Variants in FAR1 observed in about 807,000 individuals in gnomAD.
FAR1 encodes the protein male sterility domain-containing protein 2.
In FAR1, 22 loss-of-function variants were observed where a neutral mutation model predicts 61.1. The observed-to-expected ratio is 0.36, with a 90% CI of 0.26 to 0.51. The LOEUF is 0.51. Among genes scored for constraint, FAR1 ranks in the 20% least tolerant of loss-of-function variants. The pLI is 0.95. For missense variants in FAR1, 359 were observed against 626.9 expected (o/e 0.57, Z 4.56); for synonymous variants, 206 against 209.7 (o/e 0.98, Z 0.15).
intron 10 of FAR1, among the ~76,000 whole-genome samples, chr11:13,725,944 G>T (rs1419678777): frequency 6.6e-6 from 1 of 151,324 alleles, no homozygotes; most frequent in Non-Finnish European, 1.5e-5. Context: ...CCGCCCTTTA[G>T]ATTATGTTTT....
chr11:13,676,178 CTTA>C (rs1455567968), intron 1 of FAR1, among the ~76,000 whole-genome samples: 1 of 151,976 alleles, frequency 6.6e-6, no homozygotes, highest in Non-Finnish European at 1.5e-5. Context: ...AATGATAAAG[CTTA>C]TTATTGCAAA....
rs754790342 is a variant in FAR1, at chr11:13,728,821, A to G, written c.*47A>G. On this transcript the variant is annotated 3_prime_UTR_variant, in exon 12 of 12. Transcript: ENST00000354817. ...AACATCTATACATATGGTGATCTAAATGTACAAAATGTAAAATGTATAAGT... is the reference window on the plus strand; with the variant it reads ...AACATCTATACATATGGTGATCTAAGTGTACAAAATGTAAAATGTATAAGT... The G allele has an allele frequency of 6.6e-7, 1 of 1,515,836 alleles. No individual in the cohort carries two copies. The highest frequency in any genetic ancestry group is 9.0e-7 in the Non-Finnish European group (1 of 1,109,096). The allele number at this position is 1,515,836 out of a possible 1,614,324, so 93.9% of individuals were successfully genotyped here. A position where few individuals can be genotyped will look rare whatever the true frequency, so the allele number is the denominator to read the frequency against.
chr11:13,718,007 G>A (rs1848573278), intron 9 of FAR1, among the ~76,000 whole-genome samples: 1 of 152,156 alleles, frequency 6.6e-6, no homozygotes, highest in African/African-American at 2.4e-5. Context: ...ATACCCATAA[G>A]TTTCTTTGAC....
chr11:13,679,673 T>C (rs1040293080), intron 1 of FAR1, among the ~76,000 whole-genome samples: 1 of 152,222 alleles, frequency 6.6e-6, no homozygotes, highest in Non-Finnish European at 1.5e-5. Flanking sequence ...ATAATTTTAG[T>C]GCTACAAAAC....
intron 1 of FAR1, among the ~76,000 whole-genome samples, chr11:13,693,935 C>G (rs1286559119): frequency 2.0e-5 from 3 of 152,122 alleles, no homozygotes; most frequent in African/African-American, 7.2e-5. Context: ...AAATACAATT[C>G]AAGCTCCTTA....
chr11:13,700,811 C>A (rs1848362568), intron 3 of FAR1, among the ~76,000 whole-genome samples: 1 of 152,024 alleles, frequency 6.6e-6, no homozygotes, highest in Non-Finnish European at 1.5e-5. Flanking sequence ...TCTTCAGAAG[C>A]CTATACCCCA....
intron 3 of FAR1, among the ~76,000 whole-genome samples, chr11:13,704,304 C>T (rs2134186860): frequency 6.6e-6 from 1 of 151,770 alleles, no homozygotes; most frequent in South Asian, 2.1e-4. Context: ...ATTCATAGTA[C>T]AAAATTTTAG....
chr11:13,670,111 G>T (rs1847980493), intron 1 of FAR1: 1 of 152,234 alleles, frequency 6.6e-6, no homozygotes, highest in East Asian at 1.9e-4. Flanking sequence ...CTGTCGCCCA[G>T]GCTGGAGTGC....
intron 1 of FAR1, chr11:13,669,250 C>T (rs35079106): frequency 0.011 from 1,623 of 152,976 alleles, 14 homozygotes; most frequent in Non-Finnish European, 0.016. Context: ...AGGTGATGCT[C>T]AGAAAAGGGT....
At chr11:13,703,423 A>G (rs1052839516) in intron 3 of FAR1, among the ~76,000 whole-genome samples, 4 of 152,204 alleles carry the variant, frequency 2.6e-5, no homozygotes, top group African/African-American at 9.6e-5. Flanking sequence ...GTTAACCTAC[A>G]AATAAAAAAT....
intron 2 of FAR1, among the ~76,000 whole-genome samples, chr11:13,697,419 G>A (rs950842545): frequency 5.9e-5 from 9 of 151,894 alleles, no homozygotes; most frequent in Admixed American, 2.6e-4. Context: ...TTGAGATTGC[G>A]CCACTGCACT....
rs564725710 is a variant in FAR1, at chr11:13,704,031, C to T, written c.365+3539C>T. On this transcript the variant is annotated intron_variant, in intron 3 of 11. Coordinates refer to ENST00000354817, the MANE Select transcript of FAR1 (RefSeq NM_032228.6). Reference sequence around the variant, plus strand: ...TGCACTCCAGCCTGGGCGACAAGAGCGAAACTCCGTCTCAAAAAAAAAAAA... The same window carrying T: ...TGCACTCCAGCCTGGGCGACAAGAGTGAAACTCCGTCTCAAAAAAAAAAAA... 4.8e-5 allele frequency among the ~76,000 whole-genome samples: 6 copies of T among 124,866 alleles called. No homozygotes were observed. The East Asian group carries it at 6.6e-4, about 14-fold the overall frequency. 81.9% of individuals were successfully genotyped at this position (124,866 alleles called of 152,430 possible). A position where few individuals can be genotyped will look rare whatever the true frequency, so the allele number is the denominator to read the frequency against.
chr11:13,684,363 A>C (rs1430710500), intron 1 of FAR1, among the ~76,000 whole-genome samples: 1 of 152,234 alleles, frequency 6.6e-6, no homozygotes, highest in African/African-American at 2.4e-5. Context: ...ATTACAGATC[A>C]GACTGACAGC....
In FAR1 at chr11:13,727,684, GTGAGTTTGATGCA is replaced by G. The variant is rs776160626; in HGVS notation, c.1385+4_1385+16del. 1 of 1,598,900 alleles carries G rather than the reference GTGAGTTTGATGCA, an allele frequency of 6.3e-7. No homozygotes were observed. Among genetic ancestry groups the G allele is most frequent in the Non-Finnish European group, 8.5e-7 (1 of 1,173,998 alleles). ...CTGCAGCCAGAAAACATCTGAACAA[GTGAGTTTGATGCA>G]TGGATTTGATTGCTTCTTGTCTTCC... is the stretch of plus-strand genomic sequence containing the variant. On this transcript the variant is annotated splice_donor_variant and splice_donor_5th_base_variant and intron_variant, in intron 11 of 11. Transcript: ENST00000354817. LOFTEE classifies it high-confidence loss of function.
chr11:13,708,999 CA>C (rs1468243417), intron 4 of FAR1, among the ~76,000 whole-genome samples: 2 of 152,136 alleles, frequency 1.3e-5, no homozygotes. Context: ...AAGGTTCAGA[CA>C]AGAAAAAGAG....
intron 3 of FAR1, among the ~76,000 whole-genome samples, chr11:13,704,627 G>C (rs1395349389): frequency 6.6e-6 from 1 of 152,130 alleles, no homozygotes; most frequent in Non-Finnish European, 1.5e-5. Context: ...AACCATTGCT[G>C]TCAGAATCAG....
chr11:13,701,510 G>C (rs1848374495), intron 3 of FAR1, among the ~76,000 whole-genome samples: 1 of 151,972 alleles, frequency 6.6e-6, no homozygotes, highest in Non-Finnish European at 1.5e-5. Context: ...AACATAATGA[G>C]ACCCTGTCTC....
intron 4 of FAR1, among the ~76,000 whole-genome samples, chr11:13,709,601 C>T (rs1848475726): frequency 6.6e-6 from 1 of 152,066 alleles, no homozygotes. Context: ...GCTAAAGTTT[C>T]TCCTGAGTTT....
At chr11:13,724,773 A>G (rs1418147894) in intron 10 of FAR1, among the ~76,000 whole-genome samples, 1 of 152,220 alleles carries the variant, frequency 6.6e-6, no homozygotes, top group Non-Finnish European at 1.5e-5. Flanking sequence ...TGAGCCTTCA[A>G]AACCCAGAGT....
Sources: gnomAD v4.1 joint callset for allele counts (sites outside exome capture counted in the v4.1 genomes callset) on GRCh38, gnomAD v4.1.1 for gene constraint, MANE v1.5 for transcripts, NCBI Gene and HGNC (gene_info 2026-07-23, HGNC 2026-07-21) for gene names.